Variants in TPD52 observed in about 807,000 individuals in gnomAD.
The protein encoded by TPD52 is prostate and colon associated protein.
In TPD52, 17 loss-of-function variants were observed where a neutral mutation model predicts 31.3. The ratio of observed to expected loss-of-function variants is 0.54; its 90% CI spans 0.37 to 0.82. The LOEUF is 0.82. Among genes scored for constraint, TPD52 ranks in the 40% least tolerant of loss-of-function variants. The pLI is 0.00. For synonymous variants in TPD52, 83 were observed against 89.6 expected, an observed-to-expected ratio of 0.93 and a Z score of 0.42; for missense variants, 212 against 240.1, an observed-to-expected ratio of 0.88 and a Z score of 0.77.
chr8:80,113,268 GAA>G (rs59954096), intron 1 of TPD52, among the ~76,000 whole-genome samples: 12,501 of 106,120 alleles, frequency 0.12, 663 homozygotes, highest in East Asian at 0.18. Context: ...TTGTCAAAAA[GAA>G]AAAAAAAAAA....
chr8:80,033,766 C>T (rs982256743), downstream of TPD52, among the ~76,000 whole-genome samples: 1 of 152,166 alleles, frequency 6.6e-6, no homozygotes, highest in African/African-American at 2.4e-5. Context: ...GTCCTTTCTG[C>T]AGGCAGGTTG....
chr8:80,088,070 G>GT (rs1467803242), intron 1 of TPD52, among the ~76,000 whole-genome samples: 4 of 152,152 alleles, frequency 2.6e-5, no homozygotes, highest in African/African-American at 9.7e-5. Context: ...ACCTGTCTTT[G>GT]GGCATAGAGC....
At position 80,051,559 on chromosome 8, in the gene TPD52, G is replaced by T; in HGVS notation, c.354C>A (p.Gly118=). The change falls in exon 4 of 8, where the codon GGC becomes GGA. Residue 118 remains glycine, a synonymous_variant. Transcript: ENST00000518937. The part of the protein sequence containing the change: ...QKASAAFSSV[G]SVITKKLEDV... The stretch of plus-strand genomic sequence containing the variant: ...CTTCCAGCTTTTTGGTGATGACTGA[G>T]CCAACAGACGAAAAAGCAGCTGAGG... 6.2e-7 allele frequency: 1 copy of T among 1,613,734 alleles called. No homozygotes were observed. The highest frequency in any genetic ancestry group is 8.5e-7 in the Non-Finnish European group (1 of 1,179,792).
intron 1 of TPD52, among the ~76,000 whole-genome samples, chr8:80,076,685 T>A (rs570358615): frequency 6.6e-6 from 1 of 151,966 alleles, no homozygotes; most frequent in African/African-American, 2.4e-5. Flanking sequence ...TTTTTGTTTG[T>A]TTGTTTTGAG....
At chr8:80,125,318 A>C (rs1420678883) in intron 1 of TPD52, among the ~76,000 whole-genome samples, 1 of 152,182 alleles carries the variant, frequency 6.6e-6, no homozygotes, top group Admixed American at 6.5e-5. Context: ...CTCTCTACAA[A>C]AACTAAAGTT....
At chr8:80,122,385 C>T (rs1808317957) in intron 1 of TPD52, among the ~76,000 whole-genome samples, 1 of 152,102 alleles carries the variant, frequency 6.6e-6, no homozygotes, top group African/African-American at 2.4e-5. Flanking sequence ...GTAAAGAGAC[C>T]CCATAGCTGG....
At chr8:80,114,383 T>C (rs760173195) in intron 1 of TPD52, among the ~76,000 whole-genome samples, 3 of 152,214 alleles carry the variant, frequency 2.0e-5, no homozygotes, top group Non-Finnish European at 4.4e-5. Context: ...CATAGTAATA[T>C]TGACTGCCTC....
At chr8:80,171,120 G>A (rs1428654121) in intron 1 of TPD52, 1 of 673,368 alleles carries the variant, frequency 1.5e-6, no homozygotes. Flanking sequence ...TCCACCCAAA[G>A]CGCATCACGG....
chr8:80,102,192 C>G (rs1806794080), intron 1 of TPD52, among the ~76,000 whole-genome samples: 1 of 152,234 alleles, frequency 6.6e-6, no homozygotes, highest in Non-Finnish European at 1.5e-5. Flanking sequence ...GTGGTTCTGG[C>G]TCCGGATTTC....
At chr8:80,103,635 C>T (rs1377033731) in intron 1 of TPD52, among the ~76,000 whole-genome samples, 1 of 152,216 alleles carries the variant, frequency 6.6e-6, no homozygotes, top group Non-Finnish European at 1.5e-5. Context: ...TGTGCTTACT[C>T]CCTGCACATT....
intron 1 of TPD52, among the ~76,000 whole-genome samples, chr8:80,167,498 G>C (rs889549707): frequency 2.6e-5 from 4 of 152,208 alleles, no homozygotes; most frequent in African/African-American, 9.7e-5. Flanking sequence ...ATAAATGCAG[G>C]AAGTGAAGAA....
At chr8:80,067,225 C>T (rs369872854) in intron 1 of TPD52, 4 of 152,272 alleles carry the variant, frequency 2.6e-5, no homozygotes, top group East Asian at 1.9e-4. Context: ...GTCCAGTTGG[C>T]TTCAAGTCTG....
intron 1 of TPD52, among the ~76,000 whole-genome samples, chr8:80,115,415 C>CA (rs1367338992): frequency 6.6e-6 from 1 of 152,094 alleles, no homozygotes; most frequent in Non-Finnish European, 1.5e-5. Flanking sequence ...TGACGAAAAG[C>CA]AGAGCAAGAG....
At chr8:80,079,209 G>T (rs1271027892) in intron 1 of TPD52, among the ~76,000 whole-genome samples, 1 of 152,192 alleles carries the variant, frequency 6.6e-6, no homozygotes, top group African/African-American at 2.4e-5. Context: ...GGTCTGAGGG[G>T]GGCCACTTGG....
intron 1 of TPD52, among the ~76,000 whole-genome samples, chr8:80,147,394 C>T (rs1483111894): frequency 6.6e-6 from 1 of 152,112 alleles, no homozygotes; most frequent in Non-Finnish European, 1.5e-5. Context: ...CAAAAAACCA[C>T]GTCCAATCAG....
intron 2 of TPD52, among the ~76,000 whole-genome samples, chr8:80,061,691 T>G (rs1812575836): frequency 6.6e-6 from 1 of 152,056 alleles, no homozygotes; most frequent in Non-Finnish European, 1.5e-5. Flanking sequence ...TCAAAAAAAT[T>G]TTTTTAAATA....
chr8:80,089,080 G>A (rs953727238), intron 1 of TPD52, among the ~76,000 whole-genome samples: 1 of 152,192 alleles, frequency 6.6e-6, no homozygotes, highest in Non-Finnish European at 1.5e-5. Flanking sequence ...TCAGCCTCCA[G>A]AATCGTGAGA....
chr8:80,118,479 G>A (rs934549271), intron 1 of TPD52, among the ~76,000 whole-genome samples: 5 of 152,190 alleles, frequency 3.3e-5, no homozygotes, highest in Admixed American at 6.5e-5. Flanking sequence ...CACCGTCAAC[G>A]AAGTGAAAAG....
At chr8:80,119,785 TA>T in intron 1 of TPD52, 1 of 362,292 alleles carries the variant, frequency 2.8e-6, no homozygotes. Flanking sequence ...TCCACAAATA[TA>T]AAGGAATTTA....
Sources: allele counts gnomAD v4.1 joint callset (sites outside exome capture counted in the v4.1 genomes callset), GRCh38; gene constraint gnomAD v4.1.1; transcripts MANE v1.5; gene names NCBI Gene and HGNC (gene_info 2026-07-23, HGNC 2026-07-21).